SYBU: variants seen among roughly 807,000 people sequenced by gnomAD.
The protein encoded by SYBU is GOLSYN A protein.
A neutral mutation model predicts 35.9 loss-of-function variants in SYBU; 21 were observed. The observed-to-expected ratio is 0.58, with a 90% confidence interval of 0.41 to 0.84. SYBU has a LOEUF of 0.84. Among genes scored for constraint, SYBU ranks in the 40% least tolerant of loss-of-function variants. The pLI, the probability that SYBU is intolerant of heterozygous loss-of-function variation, is 0.00. For missense variants in SYBU, 768 were observed against 848.2 expected (o/e 0.91, Z 1.17); for synonymous variants, 319 against 324.3 (o/e 0.98, Z 0.18).
chr8:109,618,829 T>TC lies in SYBU; in HGVS notation c.427+12_427+13insG, dbSNP rs775791353. 531 of 1,612,698 alleles carry TC rather than the reference T, an allele frequency of 3.3e-4. No homozygotes were observed. The highest frequency in any genetic ancestry group is 4.4e-4 in the Non-Finnish European group (516 of 1,178,762). The stretch of plus-strand genomic sequence containing the variant: ...ATTGTTCTGATGAAAACATGACGAG[T>TC]AAGTTCACTGACCTGGTTTCACAAG... On this transcript the variant is annotated intron_variant, in intron 3 of 6. Coordinates refer to ENST00000276646, the MANE Select transcript of SYBU (RefSeq NM_001099754.2).
chr8:109,594,941 A>G (rs1824692944), intron 3 of SYBU, among the ~76,000 whole-genome samples: 2 of 152,210 alleles, frequency 1.3e-5, no homozygotes, highest in South Asian at 4.1e-4. Context: ...CTTGGGAAAG[A>G]CAAGCTCTCT....
chr8:109,607,078 A>C (rs1383476501), intron 3 of SYBU, among the ~76,000 whole-genome samples: 4 of 152,178 alleles, frequency 2.6e-5, no homozygotes, highest in Non-Finnish European at 5.9e-5. Flanking sequence ...CCATAAACAT[A>C]GTATTTCTTT....
chr8:109,628,206 C>T lies in SYBU; in HGVS notation c.230-9167G>A, dbSNP rs116888847. 4.1e-3 allele frequency among the ~76,000 whole-genome samples: 629 copies of T among 152,252 alleles called. 6 individuals carry two copies. The highest frequency in any genetic ancestry group is 6.3e-3 in the Non-Finnish European group (429 of 68,018). ...GAAACAGTTAATAAGTTAAAAAATA[C>T]ATAAAAAGATGTTTTGGGGCCAGGT... On this transcript the variant is annotated intron_variant, in intron 2 of 6. Transcript: ENST00000276646.
At chr8:109,678,876 C>T (rs146373280) in intron 1 of SYBU, among the ~76,000 whole-genome samples, 240 of 152,206 alleles carry the variant, frequency 1.6e-3, no homozygotes, top group Non-Finnish European at 1.5e-3. Context: ...CTGTCAGAGG[C>T]GTTTGAACTA....
At chr8:109,618,803 C>G in intron 3 of SYBU, 39 bp downstream of exon 3, 2 of 1,581,266 alleles carry the variant, frequency 1.3e-6, no homozygotes, top group Non-Finnish European at 1.7e-6. Context: ...ACTCCCATCA[C>G]ATTGTTCTGA....
chr8:109,661,224 A>G (rs1816548637), intron 1 of SYBU, among the ~76,000 whole-genome samples: 1 of 152,230 alleles, frequency 6.6e-6, no homozygotes, highest in South Asian at 2.1e-4. Flanking sequence ...CTCCTGAGAA[A>G]CTTAAGATGA....
chr8:109,603,587 A>C, intron 3 of SYBU: 1 of 164,920 alleles, frequency 6.1e-6, no homozygotes, highest in Middle Eastern at 3.1e-3. Flanking sequence ...CCAGCCCACA[A>C]TGTTCTGTGA....
rs199889456 is a variant in SYBU, at chr8:109,575,636, G to A, written c.1262C>T (p.Thr421Met). The change falls in exon 7 of 7, where the codon ACG (threonine) becomes ATG (methionine). Residue 421 changes from threonine (T) to methionine (M), a missense_variant. Physicochemically the swap from Thr to Met is moderately conservative, Grantham distance 81 (BLOSUM62 -1). Transcript: ENST00000276646. ...ADGLSLEEQV[T>M]GEGADRELLV... Reference sequence around the variant, plus strand: ...TAGCTCCCTGTCAGCCCCTTCCCCCGTGACCTGCTCTTCCAGAGATAACCC... The same window carrying A: ...TAGCTCCCTGTCAGCCCCTTCCCCCATGACCTGCTCTTCCAGAGATAACCC... 3.3e-4 allele frequency: 538 copies of A among 1,614,000 alleles called. 3 individuals are homozygous for A. The African/African-American group carries it at 4.3e-3, about 13-fold the overall frequency.
At chr8:109,623,498 A>G (rs2130429145) in intron 2 of SYBU, among the ~76,000 whole-genome samples, 1 of 152,316 alleles carries the variant, frequency 6.6e-6, no homozygotes, top group Non-Finnish European at 1.5e-5. Flanking sequence ...GGAATGGAAT[A>G]GTTTCCAGAT....
At chr8:109,637,670 C>T (rs1224945239) in intron 2 of SYBU, among the ~76,000 whole-genome samples, 2 of 152,098 alleles carry the variant, frequency 1.3e-5, no homozygotes, top group African/African-American at 2.4e-5. Flanking sequence ...CAGTTCATCT[C>T]AGTTCTAATC....
chr8:109,677,409 A>T (rs914510169), intron 1 of SYBU, among the ~76,000 whole-genome samples: 61 of 152,332 alleles, frequency 4.0e-4, no homozygotes, highest in African/African-American at 1.5e-3. Context: ...CTTTTTAATG[A>T]CTTTGAATTT....
chr8:109,668,591 A>T (rs978766381), intron 1 of SYBU, among the ~76,000 whole-genome samples: 12 of 152,168 alleles, frequency 7.9e-5, no homozygotes, highest in Admixed American at 2.6e-4. Flanking sequence ...TTTTGAGGGG[A>T]TGTCACCACA....
intron 3 of SYBU, among the ~76,000 whole-genome samples, chr8:109,587,694 TC>T (rs1362523837): frequency 1.3e-5 from 2 of 152,114 alleles, no homozygotes; most frequent in Admixed American, 1.3e-4. Context: ...AAAAATCCTT[TC>T]CCTGGTTTCC....
intron 3 of SYBU, chr8:109,586,476 C>T (rs1823637902): frequency 3.5e-6 from 1 of 286,848 alleles, no homozygotes. Flanking sequence ...ATGTGAGGCT[C>T]TCACTCCACA....
intron 1 of SYBU, among the ~76,000 whole-genome samples, chr8:109,672,275 T>C (rs1014791778): frequency 5.9e-5 from 6 of 101,162 alleles, no homozygotes; most frequent in African/African-American, 2.3e-4. Flanking sequence ...GGTCTGCAGC[T>C]CCCAGCGAGA....
At chr8:109,634,738 G>A (rs1179600827) in intron 2 of SYBU, among the ~76,000 whole-genome samples, 1 of 152,096 alleles carries the variant, frequency 6.6e-6, no homozygotes, top group Non-Finnish European at 1.5e-5. Context: ...CAGATAATGT[G>A]GAAAGCATAA....
At chr8:109,626,327 C>T (rs1366479704) in intron 2 of SYBU, among the ~76,000 whole-genome samples, 5 of 152,074 alleles carry the variant, frequency 3.3e-5, no homozygotes, top group Non-Finnish European at 7.4e-5. Context: ...TAAATATTTG[C>T]CTGTACTTTC....
intron 2 of SYBU, among the ~76,000 whole-genome samples, chr8:109,635,469 ATAT>A (rs1182772133): frequency 6.6e-6 from 1 of 152,090 alleles, no homozygotes; most frequent in East Asian, 1.9e-4. Context: ...CCCACTAGTA[ATAT>A]TATCAAAACC....
At chr8:109,673,635 A>C (rs781441487) in intron 1 of SYBU, among the ~76,000 whole-genome samples, 1 of 152,190 alleles carries the variant, frequency 6.6e-6, no homozygotes, top group African/African-American at 2.4e-5. Flanking sequence ...TCTCCAAAGG[A>C]TCACAACTCC....
Sources: gnomAD v4.1 joint callset for allele counts (sites outside exome capture counted in the v4.1 genomes callset) on GRCh38, gnomAD v4.1.1 for gene constraint, MANE v1.5 for transcripts, NCBI Gene and HGNC (gene_info 2026-07-23, HGNC 2026-07-21) for gene names.